The following CLMN variants were observed in gnomAD, a reference collection of about 807,000 sequenced individuals.
CLMN encodes the protein calmin (calponin-like, transmembrane).
CLMN carries 57 observed loss-of-function variants against 92.7 expected under a neutral mutation model. That is an observed-to-expected ratio of 0.61 (90% confidence interval 0.50 to 0.77). The LOEUF is 0.77. Ranked by LOEUF, CLMN falls within the 30% of genes least tolerant of loss-of-function variation. The pLI is 0.00. For synonymous variants in CLMN, 466 were observed against 470.6 expected, an observed-to-expected ratio of 0.99 and a Z score of 0.13; for missense variants, 1,158 against 1,237.5, an observed-to-expected ratio of 0.94 and a Z score of 0.96.
At position 95,298,970 on chromosome 14, in the gene CLMN, C is replaced by G. The variant is rs146232665; in HGVS notation, c.82+20741G>C. Reference sequence around the variant, plus strand: ...AGGTTCCAGTTACTTTGGTACCCCACAGAAAGCCACTTCCAGTACTTCCAG... The same window carrying G: ...AGGTTCCAGTTACTTTGGTACCCCAGAGAAAGCCACTTCCAGTACTTCCAG... On this transcript the variant is annotated intron_variant, in intron 1 of 12. Transcript: ENST00000298912. 3.5e-3 allele frequency among the ~76,000 whole-genome samples: 532 copies of G among 152,356 alleles called. 4 individuals carry two copies. The highest frequency in any genetic ancestry group is 0.012 in the African/African-American group (489 of 41,578).
chr14:95,264,472 C>T (rs1899389245), intron 1 of CLMN, among the ~76,000 whole-genome samples: 1 of 152,146 alleles, frequency 6.6e-6, no homozygotes, highest in Non-Finnish European at 1.5e-5. Flanking sequence ...CAGGGAGAAT[C>T]ACAAATCCAC....
At position 95,183,891 on chromosome 14, in the gene CLMN, G is replaced by A. The variant is rs1296762626; in HGVS notation, c.*7673C>T. 2.0e-5 allele frequency: 3 copies of A among 152,184 alleles called. No individual in the cohort carries two copies. The highest frequency in any genetic ancestry group is 2.0e-4 in the Admixed American group (3 of 15,290). The allele number at this position is 152,184 out of a possible 1,614,324, so 9.4% of individuals were successfully genotyped here. A position where few individuals can be genotyped will look rare whatever the true frequency, so the allele number is the denominator to read the frequency against. ...CCTTTCCGAAATAAACACCTCCCAC[G>A]ATTGTTCTAAGGGTCAAGTGAGTTA... On this transcript the variant is annotated 3_prime_UTR_variant, in exon 13 of 13. Transcript: ENST00000298912.
chr14:95,295,486 G>A (rs1207404955), intron 1 of CLMN, among the ~76,000 whole-genome samples: 1 of 152,224 alleles, frequency 6.6e-6, no homozygotes, highest in African/African-American at 2.4e-5. Flanking sequence ...CAGGGGATAC[G>A]TACGGTAAGA....
In CLMN at chr14:95,188,367, G is replaced by C. The variant is rs898847856; in HGVS notation, c.*3197C>G. On this transcript the variant is annotated 3_prime_UTR_variant, in exon 13 of 13. Transcript: ENST00000298912. ...ACAGAGAGACAAAATCTGCATCCAC[G>C]CATCAAGAGCAGGACACTGTAAAAC... 1.3e-5 allele frequency: 2 copies of C among 151,966 alleles called. No individual in the cohort carries two copies. The highest frequency in any genetic ancestry group is 4.8e-5 in the African/African-American group (2 of 41,364). 9.4% of individuals were successfully genotyped at this position (151,966 alleles called of 1,614,324 possible). A position where few individuals can be genotyped will look rare whatever the true frequency, so the allele number is the denominator to read the frequency against.
At chr14:95,282,619 C>T (rs112277787) in intron 1 of CLMN, among the ~76,000 whole-genome samples, 3,765 of 152,302 alleles carry the variant, frequency 0.025, 67 homozygotes, top group Non-Finnish European at 0.034. Context: ...CCTGGGGACC[C>T]CACCTATGCA....
chr14:95,204,500 AC>A (rs1828000979), intron 8 of CLMN, 37 bp from the exon 9 acceptor site: 11 of 1,510,324 alleles, frequency 7.3e-6, no homozygotes, highest in Non-Finnish European at 8.0e-6. Flanking sequence ...ACAAAAAAAA[AC>A]AAAAGAACAA....
At chr14:95,226,703 A>G (rs1024529228) in intron 2 of CLMN, among the ~76,000 whole-genome samples, 6 of 152,204 alleles carry the variant, frequency 3.9e-5, no homozygotes, top group East Asian at 3.9e-4. Context: ...AGCCTCTTAA[A>G]TAGTTGGAAC....
At chr14:95,245,530 A>G (rs545957064) in intron 1 of CLMN, among the ~76,000 whole-genome samples, 114 of 107,572 alleles carry the variant, frequency 1.1e-3, no homozygotes, top group Middle Eastern at 8.2e-3. Context: ...ATGGATGGAT[A>G]GGTAGATGGA....
Position 95,203,357 on chromosome 14 carries a change from C to G in CLMN, c.1992G>C (p.Lys664Asn). Reference protein sequence around the residue: ...KPEVHEKAKRKSTRPHYEEEG... With the variant: ...KPEVHEKAKRNSTRPHYEEEG... ...CTTCCTCATAATGAGGACGGGTGGA[C>G]TTTCTCTTGGCCTTTTCATGCACCT... Residue 664 changes from lysine (K) to asparagine (N), a missense_variant, in exon 9 of 13, where the codon AAG (lysine) becomes AAC (asparagine). Coordinates refer to ENST00000298912, the MANE Select transcript of CLMN (RefSeq NM_024734.4). 6.2e-7 allele frequency: 1 copy of G among 1,614,074 alleles called. No individual in the cohort carries two copies. The highest frequency in any genetic ancestry group is 8.5e-7 in the Non-Finnish European group (1 of 1,180,008).
At chr14:95,277,558 G>A (rs1899981577) in intron 1 of CLMN, among the ~76,000 whole-genome samples, 1 of 152,306 alleles carries the variant, frequency 6.6e-6, no homozygotes, top group Middle Eastern at 3.4e-3. Context: ...GGCTCCTTCT[G>A]GGGAGGTCAA....
At chr14:95,193,396 T>C in intron 12 of CLMN, 1 of 1,534,474 alleles carries the variant, frequency 6.5e-7, no homozygotes, top group South Asian at 1.2e-5. Flanking sequence ...ATCAGCTCAG[T>C]AAGCTTCTGA....
At chr14:95,227,170 C>T (rs1259357594) in intron 2 of CLMN, among the ~76,000 whole-genome samples, 1 of 152,126 alleles carries the variant, frequency 6.6e-6, no homozygotes, top group African/African-American at 2.4e-5. Context: ...CCACCCTTTC[C>T]CTGTGGGAAA....
chr14:95,317,606 A>T (rs1162629695), intron 1 of CLMN, among the ~76,000 whole-genome samples: 1 of 152,140 alleles, frequency 6.6e-6, no homozygotes. Flanking sequence ...TGGGAAAAAA[A>T]AAAAAAAGGC....
chr14:95,219,562 C>G (rs766377559), intron 4 of CLMN, among the ~76,000 whole-genome samples: 47 of 152,146 alleles, frequency 3.1e-4, no homozygotes, highest in Non-Finnish European at 6.0e-4. Context: ...CAAAAACTCT[C>G]CCAGGTAGGT....
intron 4 of CLMN, among the ~76,000 whole-genome samples, chr14:95,218,282 TG>T (rs1897417255): frequency 6.6e-6 from 1 of 152,132 alleles, no homozygotes; most frequent in Non-Finnish European, 1.5e-5. Context: ...GTTCCTTTAG[TG>T]TTTACAATAT....
intron 8 of CLMN, among the ~76,000 whole-genome samples, chr14:95,208,178 C>T (rs1346329541): frequency 2.0e-5 from 3 of 152,094 alleles, no homozygotes; most frequent in African/African-American, 4.8e-5. Context: ...CCCCAAGTTA[C>T]GTTTTTGCTC....
chr14:95,252,281 G>A (rs1477393826), intron 1 of CLMN, among the ~76,000 whole-genome samples: 1 of 152,222 alleles, frequency 6.6e-6, no homozygotes, highest in Non-Finnish European at 1.5e-5. Context: ...GGGTGGGAAA[G>A]CTGCTCCCCC....
chr14:95,196,419 C>T, intron 10 of CLMN, 79 bp downstream of exon 10: 1 of 1,381,304 alleles, frequency 7.2e-7, no homozygotes, highest in Non-Finnish European at 9.9e-7. Flanking sequence ...GCACCTCCCA[C>T]CCCATCAAAT....
Position 95,191,694 on chromosome 14 carries a change from C to T in CLMN, c.2879G>A (p.Ser960Asn). The T allele has an allele frequency of 6.2e-7, 1 of 1,612,570 alleles. No homozygotes were observed. Among genetic ancestry groups the T allele is most frequent in the Non-Finnish European group, 8.5e-7 (1 of 1,179,726 alleles). ...NSSGEAMSLG[S>N]HSPQSDSLTQ... is the part of the protein sequence containing the mutation. ...CAGGGAGTCACTCTGCGGGCTGTGG[C>T]TCCCCAGTGACATGGCTTCTCCTGA... is the stretch of plus-strand genomic sequence containing the variant. Residue 960 changes from serine (S) to asparagine (N), a missense_variant, in exon 13 of 13, where the codon AGC becomes AAC. Physicochemically the swap from Ser to Asn is conservative, Grantham distance 46. Coordinates refer to ENST00000298912, the MANE Select transcript of CLMN (RefSeq NM_024734.4). The surrounding 1 kb of genome is among the most constrained non-coding windows in gnomAD (Gnocchi z 5.3).
Sources: allele counts gnomAD v4.1 joint callset (sites outside exome capture counted in the v4.1 genomes callset), GRCh38; gene constraint gnomAD v4.1.1; non-coding constraint Gnocchi (gnomAD v3.1); transcripts MANE v1.5; gene names NCBI Gene and HGNC (gene_info 2026-07-23, HGNC 2026-07-21).